Variants in MIPEP observed in about 807,000 individuals in gnomAD.
The protein encoded by MIPEP is mitochondrial intermediate peptidase.
In MIPEP, 79 loss-of-function variants were observed where a neutral mutation model predicts 90.3. That is an observed-to-expected ratio of 0.87 (90% CI 0.73 to 1.05). The LOEUF (loss-of-function observed/expected upper bound fraction) is 1.05. Ranked by LOEUF, MIPEP falls within the 50% of genes least tolerant of loss-of-function variation. The pLI is 0.00. For synonymous variants in MIPEP, 334 were observed against 315.8 expected (o/e 1.06, Z -0.61); for missense variants, 940 against 905.6 (o/e 1.04, Z -0.49).
At chr13:23,853,396 A>G (rs952182675) in intron 10 of MIPEP, among the ~76,000 whole-genome samples, 7 of 152,034 alleles carry the variant, frequency 4.6e-5, no homozygotes, top group Admixed American at 2.0e-4. Context: ...TATACTTATC[A>G]TGTGTTGCAG....
At chr13:23,887,455 G>A (rs2137546436) in intron 1 of MIPEP, among the ~76,000 whole-genome samples, 1 of 152,240 alleles carries the variant, frequency 6.6e-6, no homozygotes, top group African/African-American at 2.4e-5. Flanking sequence ...ACTTGTTTGA[G>A]GTCACAAATT....
chr13:23,809,232 A>G (rs1481936124), intron 15 of MIPEP, among the ~76,000 whole-genome samples: 1 of 152,242 alleles, frequency 6.6e-6, no homozygotes, highest in Non-Finnish European at 1.5e-5. Flanking sequence ...AAAATGAATA[A>G]ACATATGTAT....
intron 3 of MIPEP, 47 bp downstream of exon 3, chr13:23,881,652 G>A: frequency 6.7e-7 from 1 of 1,486,720 alleles, no homozygotes; most frequent in Non-Finnish European, 9.4e-7. Flanking sequence ...CATGAAACCG[G>A]ATCACCCAGG....
intron 14 of MIPEP, among the ~76,000 whole-genome samples, chr13:23,831,383 C>CGGCGGGGGGGGGGGGGGGGGGGGT (rs1555237538): frequency 2.4e-5 from 1 of 40,856 alleles, no homozygotes; most frequent in African/African-American, 8.4e-5. Flanking sequence ...TTCCCCATGG[C>CGGCGGGGGGGGGGGGGGGGGGGGT]GGGGGGGGGA....
At chr13:23,869,073 C>G (rs1385894148) in intron 7 of MIPEP, among the ~76,000 whole-genome samples, 1 of 152,200 alleles carries the variant, frequency 6.6e-6, no homozygotes, top group East Asian at 1.9e-4. Flanking sequence ...TGATTTTACT[C>G]TCAACATTCA....
chr13:23,794,957 G>A (rs1163469535), intron 16 of MIPEP, among the ~76,000 whole-genome samples: 2 of 152,138 alleles, frequency 1.3e-5, no homozygotes, highest in Non-Finnish European at 2.9e-5. Flanking sequence ...TGTTTATGCA[G>A]GCAAAGAGGA....
chr13:23,737,244 G>A lies in MIPEP; in HGVS notation c.2045-6799C>T, dbSNP rs78492768. On this transcript the variant is annotated intron_variant, in intron 18 of 18. Coordinates refer to ENST00000382172, the MANE Select transcript of MIPEP (RefSeq NM_005932.4). The stretch of plus-strand genomic sequence containing the variant: ...AGGGCCGTAGTCTGGTACTGCCAAC[G>A]GTGGCTTGGCCCAGCTGTGACCGGG... Among the ~76,000 whole-genome samples the A allele has an allele frequency of 9.6e-3, 1,464 of 152,310 alleles. 23 individuals are homozygous for A. Among genetic ancestry groups the A allele is most frequent in the African/African-American group, 0.033 (1,373 of 41,562 alleles).
intron 16 of MIPEP, among the ~76,000 whole-genome samples, chr13:23,797,618 T>G (rs1177521974): frequency 6.6e-6 from 1 of 152,216 alleles, no homozygotes; most frequent in Non-Finnish European, 1.5e-5. Flanking sequence ...CTGGTCATCT[T>G]GTTTCTTTAG....
chr13:23,812,076 A>T (rs1727782705), intron 14 of MIPEP, among the ~76,000 whole-genome samples: 1 of 152,162 alleles, frequency 6.6e-6, no homozygotes, highest in South Asian at 2.1e-4. Context: ...CCATGTAAGC[A>T]AGCACTGCAT....
chr13:23,737,565 G>A (rs1165655175), intron 18 of MIPEP, among the ~76,000 whole-genome samples: 2 of 152,164 alleles, frequency 1.3e-5, no homozygotes, highest in Admixed American at 6.5e-5. Flanking sequence ...AAATATATAT[G>A]TGTACAAAGC....
chr13:23,865,536 C>T (rs1013663374), intron 7 of MIPEP, among the ~76,000 whole-genome samples: 5 of 152,140 alleles, frequency 3.3e-5, no homozygotes, highest in Non-Finnish European at 7.3e-5. Context: ...GATTATATTC[C>T]AGGTACCATA....
At chr13:23,831,785 C>T (rs1157852451) in intron 14 of MIPEP, among the ~76,000 whole-genome samples, 2 of 152,120 alleles carry the variant, frequency 1.3e-5, no homozygotes, top group African/African-American at 4.8e-5. Context: ...ATGTTGGGGA[C>T]CAAGTTTTAA....
chr13:23,875,295 T>C (rs1871022731), intron 4 of MIPEP, among the ~76,000 whole-genome samples: 1 of 152,098 alleles, frequency 6.6e-6, no homozygotes, highest in South Asian at 2.1e-4. Context: ...AAATAATTAT[T>C]TATTTCAACT....
chr13:23,753,042 A>G (rs756757353), intron 18 of MIPEP, among the ~76,000 whole-genome samples: 6 of 152,118 alleles, frequency 3.9e-5, no homozygotes, highest in Non-Finnish European at 7.3e-5. Flanking sequence ...AGCCTGGCCA[A>G]CATGGCAAAA....
At chr13:23,822,438 CTACGG>C (rs1367899010) in intron 14 of MIPEP, among the ~76,000 whole-genome samples, 1 of 152,220 alleles carries the variant, frequency 6.6e-6, no homozygotes, top group African/African-American at 2.4e-5. Flanking sequence ...CAAGGCTGTA[CTACGG>C]TTGGGTAACC....
At chr13:23,823,755 G>A (rs1363776081) in intron 14 of MIPEP, among the ~76,000 whole-genome samples, 1 of 152,344 alleles carries the variant, frequency 6.6e-6, no homozygotes, top group East Asian at 1.9e-4. Context: ...TTCAGCCCAA[G>A]AATTTGAGGT....
intron 9 of MIPEP, among the ~76,000 whole-genome samples, chr13:23,861,572 C>T (rs1870307143): frequency 6.6e-6 from 1 of 152,294 alleles, no homozygotes; most frequent in African/African-American, 2.4e-5. Context: ...CTGCAAGGCC[C>T]ATTTCCCTAA....
chr13:23,778,803 T>G, intron 16 of MIPEP, among the ~76,000 whole-genome samples: 1 of 152,222 alleles, frequency 6.6e-6, no homozygotes, highest in South Asian at 2.1e-4. Context: ...ATTATTTCAG[T>G]CATAGTCCTG....
chr13:23,876,242 T>C (rs1032557641), intron 4 of MIPEP, among the ~76,000 whole-genome samples: 1 of 152,246 alleles, frequency 6.6e-6, no homozygotes, highest in Non-Finnish European at 1.5e-5. Context: ...AGCTGCTGGC[T>C]GACAAAAAGT....
Sources: allele counts gnomAD v4.1 joint callset (sites outside exome capture counted in the v4.1 genomes callset), GRCh38; gene constraint gnomAD v4.1.1; transcripts MANE v1.5; gene names NCBI Gene and HGNC (gene_info 2026-07-23, HGNC 2026-07-21).